The following ME1 variants were observed in gnomAD, a reference collection of about 807,000 sequenced individuals.
ME1 encodes malic enzyme 1.
A neutral mutation model predicts 66.4 loss-of-function variants in ME1; 74 were observed. That is an observed-to-expected ratio of 1.11 (90% CI 0.92 to 1.35). ME1 has a LOEUF of 1.35. Among genes scored for constraint, ME1 ranks in the 40% most tolerant of loss-of-function variants. The pLI, the probability that ME1 is intolerant of heterozygous loss-of-function variation, is 0.00. For synonymous variants in ME1, 251 were observed against 235.6 expected (o/e 1.07, Z -0.60); for missense variants, 750 against 694.1 (o/e 1.08, Z -0.90).
intron 6 of ME1, among the ~76,000 whole-genome samples, chr6:83,306,861 T>A (rs1251325132): frequency 1.3e-5 from 2 of 152,082 alleles, no homozygotes; most frequent in Admixed American, 6.6e-5. Context: ...AATGAAATAA[T>A]GCATGCATAA....
At chr6:83,317,628 CCTCT>C (rs1768059477) in intron 5 of ME1, among the ~76,000 whole-genome samples, 1 of 151,960 alleles carries the variant, frequency 6.6e-6, no homozygotes, top group South Asian at 2.1e-4. Context: ...AATTTGACTT[CCTCT>C]TTTCCTAATT....
chr6:83,342,049 G>A (rs1768595421), intron 5 of ME1, among the ~76,000 whole-genome samples: 1 of 152,184 alleles, frequency 6.6e-6, no homozygotes, highest in South Asian at 2.1e-4. Flanking sequence ...CAACCAATCA[G>A]ATGTTTGCTA....
chr6:83,390,525 C>T (rs9444068), intron 3 of ME1, among the ~76,000 whole-genome samples: 8,845 of 152,114 alleles, frequency 0.058, 473 homozygotes, highest in African/African-American at 0.14. Context: ...AGCCACATAA[C>T]ACAATTTCAA....
intron 8 of ME1, 22 bp from the exon 9 acceptor site, chr6:83,237,852 T>A (rs1364663997): frequency 6.5e-6 from 9 of 1,387,302 alleles, no homozygotes; most frequent in East Asian, 2.3e-5. Context: ...AAAGAAAAAA[T>A]TTTAAAGTTG....
chr6:83,238,606 G>A (rs1195483986), intron 8 of ME1, among the ~76,000 whole-genome samples: 1 of 151,994 alleles, frequency 6.6e-6, no homozygotes, highest in Non-Finnish European at 1.5e-5. Context: ...CAATGTGAAA[G>A]TGAATTTGTG....
chr6:83,277,020 T>A (rs1767194769), intron 6 of ME1, among the ~76,000 whole-genome samples: 1 of 152,240 alleles, frequency 6.6e-6, no homozygotes, highest in Non-Finnish European at 1.5e-5. Context: ...TAGCATATTG[T>A]CTTAAGACAG....
rs756193497 is a variant in ME1 at position 83,237,716 on chromosome 6, C to A, written c.1026+1G>T. On this transcript the variant is annotated splice_donor_variant, in intron 9 of 13. Transcript: ENST00000369705. LOFTEE classifies it high-confidence loss of function. The stretch of plus-strand genomic sequence containing the variant: ...TCTGGTTAAAAATGACAAATTCTTA[C>A]CTTAACTATTAATCCTTTTGAATCA... 2.6e-5 allele frequency: 40 copies of A among 1,545,246 alleles called. No homozygotes were observed. In the Middle Eastern group the frequency reaches 6.1e-4, roughly 24 times the overall value.
chr6:83,292,283 G>C (rs1044248625), intron 6 of ME1, among the ~76,000 whole-genome samples: 18 of 152,110 alleles, frequency 1.2e-4, no homozygotes, highest in African/African-American at 4.1e-4. Flanking sequence ...TTGATGTTGG[G>C]ACCTACGAAT....
intron 9 of ME1, among the ~76,000 whole-genome samples, chr6:83,232,979 G>A (rs117380707): frequency 0.017 from 2,579 of 152,088 alleles, 39 homozygotes; most frequent in South Asian, 0.031. Context: ...CTTCATTCTG[G>A]GTTAGATGAA....
intron 2 of ME1, among the ~76,000 whole-genome samples, chr6:83,405,707 T>TTTG (rs143631258): frequency 5.8e-4 from 84 of 144,264 alleles, no homozygotes; most frequent in Admixed American, 9.2e-4. Flanking sequence ...GAGAGTTTTT[T>TTTG]TTGTTGTTGT....
intron 12 of ME1, among the ~76,000 whole-genome samples, chr6:83,218,184 T>C (rs548499856): frequency 1.3e-5 from 2 of 152,222 alleles, no homozygotes; most frequent in South Asian, 4.1e-4. Context: ...ACCAAACAAG[T>C]GGGGCTTGCC....
chr6:83,406,835 C>T lies in ME1; in HGVS notation c.212+933G>A, dbSNP rs545047942. Among the ~76,000 whole-genome samples the T allele has an allele frequency of 1.6e-3, 250 of 152,218 alleles. 3 individuals are homozygous for T. The highest frequency in any genetic ancestry group is 5.5e-3 in the African/African-American group (228 of 41,522). On this transcript the variant is annotated intron_variant, in intron 2 of 13. Coordinates refer to ENST00000369705, the MANE Select transcript of ME1 (RefSeq NM_002395.6). The stretch of plus-strand genomic sequence containing the variant: ...GTCTAGCAAAAATAAATTTTGCCAG[C>T]ACACTGCCTTTGGACTCAACTGCAA...
chr6:83,299,957 G>C (rs1767682581), intron 6 of ME1, among the ~76,000 whole-genome samples: 1 of 152,188 alleles, frequency 6.6e-6, no homozygotes, highest in South Asian at 2.1e-4. Flanking sequence ...AAACCGACTT[G>C]AATGCGGTGG....
chr6:83,278,299 A>G (rs1052687265), intron 6 of ME1, among the ~76,000 whole-genome samples: 3 of 152,184 alleles, frequency 2.0e-5, no homozygotes, highest in Admixed American at 2.0e-4. Flanking sequence ...AACTACTAGG[A>G]GGTCCAGTCT....
Position 83,317,146 on chromosome 6 carries a change from G to C in ME1, c.601-1733C>G, listed in dbSNP as rs542729889. Among the ~76,000 whole-genome samples the C allele has an allele frequency of 3.3e-5, 5 of 152,228 alleles. No individual in the cohort carries two copies. The South Asian group carries it at 1.0e-3, about 32-fold the overall frequency. On this transcript the variant is annotated intron_variant, in intron 5 of 13. Coordinates refer to ENST00000369705, the MANE Select transcript of ME1 (RefSeq NM_002395.6). ...TGTTCAGTTTGTGAGCAAAATTGAA[G>C]GAATATAGAGGACACAGGACTTGCT...
At chr6:83,352,168 A>G in intron 3 of ME1, 29 bp from the exon 4 acceptor site, 1 of 1,377,944 alleles carries the variant, frequency 7.3e-7, no homozygotes, top group Non-Finnish European at 9.7e-7. Context: ...AAAAAGGAGT[A>G]GTTTACATTT....
At chr6:83,249,471 C>T (rs979417290) in intron 7 of ME1, among the ~76,000 whole-genome samples, 12 of 152,036 alleles carry the variant, frequency 7.9e-5, no homozygotes, top group South Asian at 4.1e-4. Context: ...GTGATCCGCC[C>T]GCCTTGGCCT....
intron 7 of ME1, among the ~76,000 whole-genome samples, chr6:83,246,043 C>T (rs983058656): frequency 5.9e-5 from 9 of 152,004 alleles, no homozygotes; most frequent in East Asian, 3.9e-4. Context: ...TTGTCTGCTA[C>T]GATCAGTTAT....
intron 6 of ME1, among the ~76,000 whole-genome samples, chr6:83,262,797 T>C (rs1246341697): frequency 2.0e-5 from 3 of 152,198 alleles, no homozygotes; most frequent in Non-Finnish European, 4.4e-5. Flanking sequence ...CTAAGTCCAA[T>C]AGCCACGTAC....
Sources: gnomAD v4.1 joint callset for allele counts (sites outside exome capture counted in the v4.1 genomes callset) on GRCh38, gnomAD v4.1.1 for gene constraint, MANE v1.5 for transcripts, NCBI Gene and HGNC (gene_info 2026-07-23, HGNC 2026-07-21) for gene names.